Variants in ATP2A2 observed in about 807,000 individuals in gnomAD.
ATP2A2 encodes the protein sarcoplasmic/endoplasmic reticulum calcium ATPase 2.
ATP2A2 carries 14 observed loss-of-function variants against 109.3 expected under a neutral mutation model. The observed-to-expected ratio is 0.13, with a 90% CI of 0.08 to 0.20. The LOEUF is 0.20. Among genes scored for constraint, ATP2A2 ranks in the 10% least tolerant of loss-of-function variants. The probability of loss-of-function intolerance (pLI) is 1.00; values close to 1 mark genes in which losing one functional copy is unlikely to be tolerated. For missense variants in ATP2A2, 657 were observed against 1,321.6 expected, an observed-to-expected ratio of 0.50 and a Z score of 7.80; for synonymous variants, 506 against 490.9, an observed-to-expected ratio of 1.03 and a Z score of -0.41.
chr12:110,333,961 A>T (rs773467194), intron 10 of ATP2A2, 51 bp from the exon 11 acceptor site: 1 of 1,611,892 alleles, frequency 6.2e-7, no homozygotes, highest in Non-Finnish European at 8.5e-7. Flanking sequence ...AGATAAATTT[A>T]TCTGTGTACT....
Position 110,344,954 on chromosome 12 carries a change from G to A in ATP2A2, c.2590G>A (p.Val864Met). ...CATTGCTGCTGACGGTGGTCCAAGA[G>A]TGTCCTTCTACCAGCTGGTACTCAG... ...WFIAADGGPRVSFYQLSHFLQ... is the reference protein window; with the variant it reads ...WFIAADGGPRMSFYQLSHFLQ... Residue 864 changes from valine (V) to methionine (M), a missense_variant, in exon 17 of 20, where the codon GTG (valine) becomes ATG (methionine). By Grantham distance (21) the Val-to-Met change is conservative. This residue lies in a region of ATP2A2 where 125 missense variants were observed against 243.5 expected (regional missense o/e 0.51). Transcript: ENST00000539276. The A allele has an allele frequency of 6.2e-7, 1 of 1,614,136 alleles. No individual in the cohort carries two copies. Among genetic ancestry groups the A allele is most frequent in the Non-Finnish European group, 8.5e-7 (1 of 1,180,026 alleles).
At chr12:110,341,143 GT>G in intron 14 of ATP2A2, 149 bp downstream of exon 14, 1 of 913,936 alleles carries the variant, frequency 1.1e-6, no homozygotes. Flanking sequence ...TGAATCAGTG[GT>G]TAGCATGTTG....
chr12:110,310,818 A>G (rs1347738825), intron 5 of ATP2A2, among the ~76,000 whole-genome samples: 1 of 152,244 alleles, frequency 6.6e-6, no homozygotes, highest in Non-Finnish European at 1.5e-5. Context: ...GAAAACTTTC[A>G]ATTTAAAGGA....
At chr12:110,300,181 T>G (rs1302223087) in intron 5 of ATP2A2, among the ~76,000 whole-genome samples, 1 of 91,996 alleles carries the variant, frequency 1.1e-5, no homozygotes, top group Admixed American at 1.3e-4. Context: ...TTTCTCGCTC[T>G]CTCTTTTTTT....
chr12:110,348,197 C>A lies in ATP2A2; in HGVS notation c.*1727C>A, dbSNP rs1349577981. The A allele has an allele frequency of 1.0e-6, 1 of 985,306 alleles. No homozygotes were observed. The highest frequency in any genetic ancestry group is 1.2e-6 in the Non-Finnish European group (1 of 829,962). The allele number at this position is 985,306 out of a possible 1,614,324, so 61.0% of individuals were successfully genotyped here. A position where few individuals can be genotyped will look rare whatever the true frequency, so the allele number is the denominator to read the frequency against. ...TTAAAAAGCTAAAAACTAGTGAAAG[C>A]AAGTAACTGAACCAGTGAACTCTGG... is the stretch of plus-strand genomic sequence containing the variant. On this transcript the variant is annotated 3_prime_UTR_variant, in exon 20 of 20. Coordinates refer to ENST00000539276, the MANE Select transcript of ATP2A2 (RefSeq NM_170665.4).
In ATP2A2 at chr12:110,343,334, G is replaced by A. The variant is rs754873110; in HGVS notation, c.2421G>A (p.Gly807=). ...VTDGLPATAL[G]FNPPDLDIMN... is the part of the protein sequence containing the mutation. ...ATGGCCTGCCTGCCACTGCACTGGGGTTCAACCCTCCTGATCTGGACATCA... is the reference window on the plus strand; with the variant it reads ...ATGGCCTGCCTGCCACTGCACTGGGATTCAACCCTCCTGATCTGGACATCA... Residue 807 remains glycine (G), a synonymous_variant, in exon 16 of 20, where the codon GGG becomes GGA. Coordinates refer to ENST00000539276, the MANE Select transcript of ATP2A2 (RefSeq NM_170665.4). 1.2e-6 allele frequency: 2 copies of A among 1,614,178 alleles called. No individual in the cohort carries two copies. The highest frequency in any genetic ancestry group is 1.1e-5 in the South Asian group (1 of 91,084).
chr12:110,285,965 C>CCGGGCTGGAG (rs1487151259), intron 3 of ATP2A2, among the ~76,000 whole-genome samples: 1 of 150,008 alleles, frequency 6.7e-6, no homozygotes, highest in Non-Finnish European at 1.5e-5. Context: ...CTCTTGTTGC[C>CCGGGCTGGAG]CGGGCTGGAG....
intron 1 of ATP2A2, 28 bp downstream of exon 1, chr12:110,281,935 G>A: frequency 6.5e-7 from 1 of 1,532,308 alleles, no homozygotes; most frequent in Non-Finnish European, 8.8e-7. Context: ...CGCTGCAGGG[G>A]CCCGGCGCGG....
intron 6 of ATP2A2, among the ~76,000 whole-genome samples, chr12:110,323,878 C>T (rs530015251): frequency 3.3e-5 from 5 of 152,290 alleles, no homozygotes; most frequent in African/African-American, 9.6e-5. Flanking sequence ...ATTACTTATT[C>T]GATGTCCTTT....
intron 10 of ATP2A2, among the ~76,000 whole-genome samples, chr12:110,333,581 A>G (rs1878548765): frequency 6.6e-6 from 1 of 152,208 alleles, no homozygotes; most frequent in Non-Finnish European, 1.5e-5. Flanking sequence ...CAGGATAGAA[A>G]ATGCTTTCCT....
chr12:110,339,689 C>G lies in ATP2A2; in HGVS notation c.1729C>G (p.Leu577Val), dbSNP rs147733067. The stretch of plus-strand genomic sequence containing the variant: ...CCCACTGAGAAGAGAAGAAATGCAC[C>G]TTGAGGACTCTGCCAACTTTATTAA... ...DNPLRREEMH[L>V]EDSANFIKYE... Residue 577 changes from leucine (L) to valine (V), a missense_variant, in exon 13 of 20, where the codon CTT (leucine) becomes GTT (valine). This residue lies in a region of ATP2A2 where 180 missense variants were observed against 329.1 expected (regional missense o/e 0.55). Coordinates refer to ENST00000539276, the MANE Select transcript of ATP2A2 (RefSeq NM_170665.4). The surrounding 1 kb of genome is among the most constrained non-coding windows in gnomAD (Gnocchi z 4.4). 1 of 1,613,944 alleles carries G rather than the reference C, an allele frequency of 6.2e-7. No individual in the cohort carries two copies. Among genetic ancestry groups the G allele is most frequent in the African/African-American group, 1.3e-5 (1 of 74,912 alleles).
At chr12:110,343,096 G>C (rs776141596) in intron 15 of ATP2A2, 136 bp from the exon 16 acceptor site, 93 of 907,894 alleles carry the variant, frequency 1.0e-4, no homozygotes, top group Non-Finnish European at 1.5e-4. Context: ...ATTCAAAATT[G>C]GGTATAAGTA....
intron 5 of ATP2A2, among the ~76,000 whole-genome samples, chr12:110,306,123 C>T (rs1875292545): frequency 6.6e-6 from 1 of 152,206 alleles, no homozygotes; most frequent in Non-Finnish European, 1.5e-5. Flanking sequence ...ACTGCAAGCT[C>T]CGCCTCTCGG....
Position 110,347,189 on chromosome 12 carries a change from A to G in ATP2A2, c.*719A>G, listed in dbSNP as rs1451138005. ...ATCGACTGGGTTTATGTCCCTTCAC[A>G]TAGTTTTTAAGGTTATTTATTTAAA... On this transcript the variant is annotated 3_prime_UTR_variant, in exon 20 of 20. Coordinates refer to ENST00000539276, the MANE Select transcript of ATP2A2 (RefSeq NM_170665.4). 5 of 1,191,338 alleles carry G rather than the reference A, an allele frequency of 4.2e-6. No homozygotes were observed. The highest frequency in any genetic ancestry group is 1.6e-5 in the South Asian group (1 of 63,110). 73.8% of individuals were successfully genotyped at this position (1,191,338 alleles called of 1,614,324 possible).
chr12:110,281,060 C>T (rs962434014), upstream of ATP2A2: 2 of 151,158 alleles, frequency 1.3e-5, no homozygotes. Flanking sequence ...GATCCGGGTT[C>T]CTAGGGGCGG....
chr12:110,346,144 C>G (rs1592869021), intron 19 of ATP2A2, 26 bp downstream of exon 19: 2 of 1,614,070 alleles, frequency 1.2e-6, no homozygotes, highest in Non-Finnish European at 1.7e-6. Flanking sequence ...GGGCTTGGGA[C>G]CAGCCACCTC....
intron 5 of ATP2A2, among the ~76,000 whole-genome samples, chr12:110,315,830 A>G (rs1398914956): frequency 1.3e-5 from 2 of 152,206 alleles, no homozygotes; most frequent in Admixed American, 1.3e-4. Context: ...AGTCCCAGGT[A>G]TTTGGGAGGG....
intron 3 of ATP2A2, among the ~76,000 whole-genome samples, chr12:110,283,545 T>G (rs1475541184): frequency 6.6e-6 from 1 of 152,186 alleles, no homozygotes; most frequent in African/African-American, 2.4e-5. Context: ...TTTCTAGGTT[T>G]TTAACTTTTT....
intron 11 of ATP2A2, among the ~76,000 whole-genome samples, chr12:110,334,586 C>CTTTT (rs67776124): frequency 2.6e-4 from 30 of 114,496 alleles, no homozygotes; most frequent in East Asian, 7.6e-4. Flanking sequence ...TCAATTAAAC[C>CTTTT]TTTTTTTTTT....
Sources: gnomAD v4.1 joint callset for allele counts (sites outside exome capture counted in the v4.1 genomes callset) on GRCh38, gnomAD v4.1.1 for gene constraint, gnomAD v4.1.1 regional missense constraint, Gnocchi (gnomAD v3.1) non-coding constraint, MANE v1.5 for transcripts, NCBI Gene and HGNC (gene_info 2026-07-23, HGNC 2026-07-21) for gene names.